ARHGEF4: variants seen among roughly 807,000 people sequenced by gnomAD.
ARHGEF4 encodes APC-stimulated guanine nucleotide exchange factor 1.
A neutral mutation model predicts 162.0 loss-of-function variants in ARHGEF4; 119 were observed. The observed-to-expected ratio is 0.73, with a 90% CI of 0.63 to 0.86. The LOEUF is 0.86. ARHGEF4 is among the 40% of genes least tolerant of loss of function. ARHGEF4 has a pLI of 0.00. For synonymous variants in ARHGEF4, 1,014 were observed against 979.9 expected, an observed-to-expected ratio of 1.03 and a Z score of -0.65; for missense variants, 2,488 against 2,456.0, an observed-to-expected ratio of 1.01 and a Z score of -0.28.
At chr2:130,869,326 C>T (rs1682519585) in intron 1 of ARHGEF4, among the ~76,000 whole-genome samples, 1 of 152,176 alleles carries the variant, frequency 6.6e-6, no homozygotes, top group African/African-American at 2.4e-5. Flanking sequence ...CACTCAGGAG[C>T]TGTAACCCAC....
chr2:130,943,506 A>G (rs1316889571), intron 3 of ARHGEF4, among the ~76,000 whole-genome samples: 1 of 151,876 alleles, frequency 6.6e-6, no homozygotes, highest in Non-Finnish European at 1.5e-5. Flanking sequence ...CTGTTCTCTG[A>G]TTTGCATTGC....
At chr2:131,014,500 T>C (rs1688653608) in intron 4 of ARHGEF4, among the ~76,000 whole-genome samples, 1 of 152,242 alleles carries the variant, frequency 6.6e-6, no homozygotes, top group Non-Finnish European at 1.5e-5. Flanking sequence ...TGCATCCATT[T>C]GGAAGCAACT....
chr2:130,937,464 C>T (rs1289312826), intron 3 of ARHGEF4, among the ~76,000 whole-genome samples: 1 of 151,852 alleles, frequency 6.6e-6, no homozygotes. Flanking sequence ...TTAATACTTT[C>T]TCTTTATTGG....
chr2:130,992,860 G>A (rs1451249195), intron 4 of ARHGEF4, among the ~76,000 whole-genome samples: 1 of 152,226 alleles, frequency 6.6e-6, no homozygotes, highest in Non-Finnish European at 1.5e-5. Context: ...GAGGTGGGTA[G>A]ATAACATGAG....
chr2:130,953,386 C>T (rs1433820692), intron 4 of ARHGEF4, among the ~76,000 whole-genome samples: 2 of 152,174 alleles, frequency 1.3e-5, no homozygotes, highest in East Asian at 3.8e-4. Flanking sequence ...CCTTTCCTTG[C>T]ACCTTATACA....
chr2:131,001,302 CAAAAAAAAA>C (rs70994730), intron 4 of ARHGEF4, among the ~76,000 whole-genome samples: 427 of 31,148 alleles, frequency 0.014, 5 homozygotes, highest in South Asian at 0.051. Context: ...GACTGTGTCT[CAAAAAAAAA>C]AAAAAAAAAA....
intron 3 of ARHGEF4, among the ~76,000 whole-genome samples, chr2:130,940,844 A>G (rs1172315815): frequency 1.0e-4 from 9 of 89,912 alleles, no homozygotes; most frequent in South Asian, 3.6e-4. Flanking sequence ...AAAAAAAAAA[A>G]AAAAGAAAAA....
chr2:130,920,691 A>G (rs1376839189), intron 2 of ARHGEF4, among the ~76,000 whole-genome samples: 1 of 152,224 alleles, frequency 6.6e-6, no homozygotes, highest in Non-Finnish European at 1.5e-5. Flanking sequence ...AGTTATTCCC[A>G]CTTCGTATTA....
intron 4 of ARHGEF4, among the ~76,000 whole-genome samples, chr2:130,978,837 A>G (rs1685925396): frequency 1.3e-5 from 2 of 152,176 alleles, no homozygotes; most frequent in Admixed American, 1.3e-4. Context: ...AAAAAAAATT[A>G]TTTCTGTCCT....
chr2:131,007,279 G>C (rs907419170), intron 4 of ARHGEF4, among the ~76,000 whole-genome samples: 10 of 152,142 alleles, frequency 6.6e-5, no homozygotes, highest in African/African-American at 2.4e-4. Flanking sequence ...GTCAGCCAGT[G>C]CTTAAGGGGA....
At chr2:130,905,779 C>T (rs1329689322) in intron 1 of ARHGEF4, among the ~76,000 whole-genome samples, 1 of 152,126 alleles carries the variant, frequency 6.6e-6, no homozygotes, top group African/African-American at 2.4e-5. Flanking sequence ...TTATTAATCT[C>T]TTACTGTACC....
Position 130,916,443 on chromosome 2 carries a change from C to T in ARHGEF4, c.2497C>T (p.Pro833Ser). The stretch of plus-strand genomic sequence containing the variant: ...GGGCTCTTCAGGCCCCGAGGGGCTC[C>T]CCAGGGAGAATCCGCCCGCTGCGGC... ...RWGSSGPEGL[P>S]RENPPAAAGR... Residue 833 changes from proline (P) to serine (S), a missense_variant, in exon 2 of 14, where the codon CCC becomes TCC. Pro to Ser is a moderately conservative substitution (Grantham distance 74). This residue lies in a region of ARHGEF4 where 1,642 missense variants were observed against 1,481.5 expected (regional missense o/e 1.11). Transcript: ENST00000409359. 2 of 1,540,800 alleles carry T rather than the reference C, an allele frequency of 1.3e-6. No individual in the cohort carries two copies. The highest frequency in any genetic ancestry group is 2.4e-5 in the South Asian group (2 of 83,758).
At chr2:131,011,614 C>G (rs1688455502) in intron 4 of ARHGEF4, 3 of 1,529,582 alleles carry the variant, frequency 2.0e-6, no homozygotes. Flanking sequence ...TTGGTCGTTC[C>G]TGGTAGCTTC....
chr2:131,000,872 C>T (rs1355433302), intron 4 of ARHGEF4, among the ~76,000 whole-genome samples: 5 of 152,096 alleles, frequency 3.3e-5, no homozygotes, highest in African/African-American at 1.2e-4. Context: ...TAAACCTGTG[C>T]TTCAAAAAAT....
At chr2:131,023,192 G>C (rs1689255430) in intron 4 of ARHGEF4, among the ~76,000 whole-genome samples, 1 of 151,806 alleles carries the variant, frequency 6.6e-6, no homozygotes, top group African/African-American at 2.4e-5. Flanking sequence ...ACTTTGGGAG[G>C]CTGAGGCAGG....
chr2:131,044,246 G>GA (rs1691054635), intron 11 of ARHGEF4, 53 bp from the exon 12 acceptor site: 6 of 1,598,208 alleles, frequency 3.8e-6, no homozygotes, highest in Non-Finnish European at 5.1e-6. Context: ...GAGCAGCCAG[G>GA]AAATGGTCAG....
At chr2:130,962,459 T>C (rs1298430368) in intron 4 of ARHGEF4, among the ~76,000 whole-genome samples, 1 of 152,168 alleles carries the variant, frequency 6.6e-6, no homozygotes, top group Non-Finnish European at 1.5e-5. Context: ...GGTGGCCCAC[T>C]GCCCCAGCCC....
At chr2:130,924,254 C>T (rs1682084251) in intron 2 of ARHGEF4, among the ~76,000 whole-genome samples, 1 of 147,822 alleles carries the variant, frequency 6.8e-6, no homozygotes, top group South Asian at 2.2e-4. Flanking sequence ...AGTTTCACCT[C>T]CCACCTGTGA....
intron 5 of ARHGEF4, among the ~76,000 whole-genome samples, chr2:131,033,933 T>C (rs930564624): frequency 1.3e-5 from 2 of 152,054 alleles, no homozygotes; most frequent in African/African-American, 4.8e-5. Context: ...CACACAGAGG[T>C]ATCCCCTTAC....
Sources: allele counts gnomAD v4.1 joint callset (sites outside exome capture counted in the v4.1 genomes callset), GRCh38; gene constraint gnomAD v4.1.1; regional missense constraint gnomAD v4.1.1; transcripts MANE v1.5; gene names NCBI Gene and HGNC (gene_info 2026-07-23, HGNC 2026-07-21).